TOM1L2: variants seen among roughly 807,000 people sequenced by gnomAD.
TOM1L2 encodes target of myb1 like 2 membrane trafficking protein.
In TOM1L2, 31 loss-of-function variants were observed where a neutral mutation model predicts 67.9. The ratio of observed to expected loss-of-function variants is 0.46; its 90% CI spans 0.34 to 0.62. The LOEUF is 0.62. Ranked by LOEUF, TOM1L2 falls within the 20% of genes least tolerant of loss-of-function variation. TOM1L2 has a pLI of 0.01. For synonymous variants in TOM1L2, 256 were observed against 254.0 expected (o/e 1.01, Z -0.07); for missense variants, 606 against 663.5 (o/e 0.91, Z 0.95).
intron 1 of TOM1L2, among the ~76,000 whole-genome samples, chr17:17,958,487 T>C (rs1221183824): frequency 6.6e-6 from 1 of 152,170 alleles, no homozygotes; most frequent in Admixed American, 6.5e-5. Flanking sequence ...TAAAATGTAT[T>C]TACCTTCATG....
At chr17:17,868,239 C>A (rs1472044169) in intron 8 of TOM1L2, among the ~76,000 whole-genome samples, 1 of 152,188 alleles carries the variant, frequency 6.6e-6, no homozygotes, top group Non-Finnish European at 1.5e-5. Flanking sequence ...CTGGGGATGC[C>A]CCCACACTTA....
chr17:17,900,565 A>T lies in TOM1L2; in HGVS notation c.138-1891T>A, dbSNP rs1286457543. Among the ~76,000 whole-genome samples, 38 of 151,908 alleles carry T rather than the reference A, an allele frequency of 2.5e-4. 1 individual carries two copies. The highest frequency in any genetic ancestry group is 1.8e-4 in the Non-Finnish European group (12 of 67,978). ...GAGAGAAAGAAAGAAAAAAAGTTTA[A>T]GGAGCAAGGCTACTAGAAGAAAATT... On this transcript the variant is annotated intron_variant, in intron 2 of 14. Transcript: ENST00000379504.
chr17:17,887,028 C>T (rs112532611), intron 4 of TOM1L2, among the ~76,000 whole-genome samples: 3 of 152,328 alleles, frequency 2.0e-5, no homozygotes, highest in African/African-American at 4.8e-5. Context: ...CTAGAGTGCT[C>T]GGAGGTGCAG....
chr17:17,914,642 G>C (rs2039551610), intron 1 of TOM1L2, among the ~76,000 whole-genome samples: 1 of 152,126 alleles, frequency 6.6e-6, no homozygotes, highest in African/African-American at 2.4e-5. Context: ...TGCCAGCCTG[G>C]TGCCATCTGA....
intron 1 of TOM1L2, among the ~76,000 whole-genome samples, chr17:17,968,664 CAAA>C (rs11298542): frequency 1.6e-4 from 19 of 115,868 alleles, no homozygotes; most frequent in Admixed American, 1.7e-4. Context: ...GACTCCATCT[CAAA>C]AAAAAAAAAA....
chr17:17,959,944 C>T (rs924579679), intron 1 of TOM1L2, among the ~76,000 whole-genome samples: 2 of 152,234 alleles, frequency 1.3e-5, no homozygotes, highest in Admixed American at 6.5e-5. Context: ...CTCCATCCAT[C>T]ACTGTAGTTC....
intron 1 of TOM1L2, among the ~76,000 whole-genome samples, chr17:17,954,625 C>T (rs112262750): frequency 2.6e-4 from 39 of 152,222 alleles, no homozygotes; most frequent in African/African-American, 9.1e-4. Context: ...ATTTATAAAT[C>T]ATTCTAAAGG....
At chr17:17,869,169 C>T in intron 8 of TOM1L2, 171 bp downstream of exon 8, 1 of 1,296,914 alleles carries the variant, frequency 7.7e-7, no homozygotes, top group Non-Finnish European at 1.0e-6. Flanking sequence ...CCCAGGAGGA[C>T]AAGAAGCATT....
At chr17:17,882,575 G>A (rs2037779398) in intron 6 of TOM1L2, 130 bp downstream of exon 6, 3 of 1,260,912 alleles carry the variant, frequency 2.4e-6, no homozygotes, top group East Asian at 2.4e-5. Flanking sequence ...CCTGGGGATT[G>A]AGCCCTTCCA....
At chr17:17,925,840 G>A (rs1233278489) in intron 1 of TOM1L2, among the ~76,000 whole-genome samples, 1 of 147,100 alleles carries the variant, frequency 6.8e-6, no homozygotes, top group Non-Finnish European at 1.5e-5. Flanking sequence ...GGGTGACACA[G>A]TGAGACCCTG....
intron 1 of TOM1L2, among the ~76,000 whole-genome samples, chr17:17,968,273 A>G (rs2041938887): frequency 6.6e-6 from 1 of 152,176 alleles, no homozygotes; most frequent in African/African-American, 2.4e-5. Flanking sequence ...GAACAGACAA[A>G]ATTATTTAGG....
chr17:17,895,893 A>C (rs1376736856), intron 3 of TOM1L2, among the ~76,000 whole-genome samples: 1 of 152,210 alleles, frequency 6.6e-6, no homozygotes, highest in Non-Finnish European at 1.5e-5. Context: ...TAGGAGGCCA[A>C]AGCTGGGACT....
intron 12 of TOM1L2, among the ~76,000 whole-genome samples, chr17:17,857,421 C>T (rs1054550029): frequency 6.6e-6 from 1 of 152,138 alleles, no homozygotes; most frequent in East Asian, 1.9e-4. Flanking sequence ...GAATTGTTCC[C>T]TCCCAAGCAA....
At chr17:17,921,801 G>A (rs183145072) in intron 1 of TOM1L2, among the ~76,000 whole-genome samples, 275 of 152,228 alleles carry the variant, frequency 1.8e-3, no homozygotes, top group Non-Finnish European at 3.6e-3. Flanking sequence ...CGGCCTCTTC[G>A]TGCAGTCTGC....
chr17:17,847,640 G>C lies in TOM1L2; in HGVS notation c.1519C>G (p.Leu507Val), dbSNP rs200990292. 6.3e-5 allele frequency: 101 copies of C among 1,609,290 alleles called. No individual in the cohort carries two copies. The highest frequency in any genetic ancestry group is 6.8e-6 in the Non-Finnish European group (8 of 1,177,476). ...GAGGCAAACCACAGAGCTGCTCACA[G>C]GGCGAAGAGGGCATCCTCTGACCGC... Reference protein sequence around the residue: ...PERSEDALFAL With the variant: ...PERSEDALFAV The change falls in exon 15 of 15, where the codon CTG becomes GTG. Residue 507 changes from leucine to valine, a missense_variant. This residue lies in a region of TOM1L2 where 543 missense variants were observed against 554.0 expected (regional missense o/e 0.98). Coordinates refer to ENST00000379504, the MANE Select transcript of TOM1L2 (RefSeq NM_001082968.2).
At chr17:17,870,814 C>T (rs149026437) in intron 7 of TOM1L2, among the ~76,000 whole-genome samples, 5 of 152,338 alleles carry the variant, frequency 3.3e-5, no homozygotes, top group African/African-American at 1.2e-4. Context: ...CGCACTGAGC[C>T]ACACACAGTG....
At chr17:17,970,653 T>G (rs1041369248) in intron 1 of TOM1L2, among the ~76,000 whole-genome samples, 1 of 152,176 alleles carries the variant, frequency 6.6e-6, no homozygotes, top group Non-Finnish European at 1.5e-5. Flanking sequence ...AAACACTCTT[T>G]TGGGGTCCCT....
intron 14 of TOM1L2, among the ~76,000 whole-genome samples, chr17:17,848,353 T>C (rs1179135300): frequency 6.6e-6 from 1 of 151,998 alleles, no homozygotes; most frequent in Non-Finnish European, 1.5e-5. Context: ...CAAGATGAGC[T>C]TGGGGAGGCA....
chr17:17,910,392 T>C (rs1486598346), intron 1 of TOM1L2, among the ~76,000 whole-genome samples: 2 of 152,124 alleles, frequency 1.3e-5, no homozygotes, highest in East Asian at 1.9e-4. Flanking sequence ...GTGCAATGCA[T>C]TTACATCAGA....
Sources: gnomAD v4.1 joint callset for allele counts (sites outside exome capture counted in the v4.1 genomes callset) on GRCh38, gnomAD v4.1.1 for gene constraint, gnomAD v4.1.1 regional missense constraint, MANE v1.5 for transcripts, NCBI Gene and HGNC (gene_info 2026-07-23, HGNC 2026-07-21) for gene names.